The following SPATA6 variants were observed in gnomAD, a reference collection of about 807,000 sequenced individuals.
The protein encoded by SPATA6 is spermatogenesis-associated protein 6.
In SPATA6, 56 loss-of-function variants were observed where a neutral mutation model predicts 65.3. The ratio of observed to expected loss-of-function variants is 0.86; its 90% CI spans 0.69 to 1.07. The LOEUF is 1.07. Ranked by LOEUF, SPATA6 falls within the 50% of genes least tolerant of loss-of-function variation. The probability of loss-of-function intolerance (pLI) is 0.00; values close to 1 mark genes in which losing one functional copy is unlikely to be tolerated. For missense variants in SPATA6, 590 were observed against 594.8 expected (o/e 0.99, Z 0.08); for synonymous variants, 199 against 213.2 (o/e 0.93, Z 0.58).
chr1:48,280,301 A>T, the SPATA6 span, among the ~76,000 whole-genome samples: 9 of 152,194 alleles, frequency 5.9e-5, no homozygotes, highest in Middle Eastern at 3.2e-3. Flanking sequence ...ACACATTCAA[A>T]AGCTAGCAGA....
chr1:48,380,939 G>A (rs555467126), intron 9 of SPATA6, among the ~76,000 whole-genome samples: 10 of 152,258 alleles, frequency 6.6e-5, no homozygotes, highest in East Asian at 5.8e-4. Context: ...ATTTTTCCAC[G>A]AACTGGTGGG....
At chr1:48,412,807 C>T (rs181987314) in intron 4 of SPATA6, among the ~76,000 whole-genome samples, 64 of 152,108 alleles carry the variant, frequency 4.2e-4, no homozygotes, top group Non-Finnish European at 7.5e-4. Flanking sequence ...TTAGTAGAGA[C>T]GGGGTTTCAC....
intron 11 of SPATA6, among the ~76,000 whole-genome samples, chr1:48,347,547 ATAAT>A (rs1646405243): frequency 6.8e-6 from 1 of 147,702 alleles, no homozygotes; most frequent in African/African-American, 2.5e-5. Flanking sequence ...AATTAATTAT[ATAAT>A]TAATTTAAGT....
the SPATA6 span, among the ~76,000 whole-genome samples, chr1:48,275,197 G>A: frequency 4.6e-5 from 7 of 152,162 alleles, no homozygotes; most frequent in Non-Finnish European, 7.3e-5. Context: ...TTTGTATCCC[G>A]ACACTGTGCT....
chr1:48,399,579 T>C lies in SPATA6; in HGVS notation c.552A>G (p.Ser184=). The C allele has an allele frequency of 6.2e-7, 1 of 1,612,720 alleles. No individual in the cohort carries two copies. The highest frequency in any genetic ancestry group is 1.1e-5 in the South Asian group (1 of 90,978). Residue 184 remains serine (S), a synonymous_variant, in exon 7 of 13, where the codon TCA becomes TCG. Coordinates refer to ENST00000371847, the MANE Select transcript of SPATA6 (RefSeq NM_019073.4). ...KSHGRLQNRT[S]RSQKKKSKSP... ...ACTTGGATTTTTTCTTTTGTGATCT[T>C]GATGTTCTGTTTTGCAGTCTGCCAT... is the stretch of plus-strand genomic sequence containing the variant.
intron 5 of SPATA6, 102 bp downstream of exon 5, chr1:48,411,362 A>T: frequency 7.6e-7 from 1 of 1,311,864 alleles, no homozygotes; most frequent in South Asian, 2.0e-5. Context: ...ACTAAATTAC[A>T]CTTTGAATTT....
At chr1:48,430,485 C>T (rs764547584) in intron 3 of SPATA6, among the ~76,000 whole-genome samples, 1 of 151,846 alleles carries the variant, frequency 6.6e-6, no homozygotes, top group Non-Finnish European at 1.5e-5. Flanking sequence ...TTAAGAGAGT[C>T]CTAAAGGGTG....
chr1:48,432,700 T>C (rs1200435186), intron 3 of SPATA6, among the ~76,000 whole-genome samples: 1 of 152,194 alleles, frequency 6.6e-6, no homozygotes, highest in Non-Finnish European at 1.5e-5. Context: ...ATGATACAGC[T>C]ACAATGGAAC....
chr1:48,285,001 C>T, the SPATA6 span, among the ~76,000 whole-genome samples: 6 of 152,324 alleles, frequency 3.9e-5, no homozygotes, highest in South Asian at 2.1e-4. Context: ...CACGCAGGAA[C>T]GTTTAAGTCT....
chr1:48,309,817 C>G (rs756160726), intron 11 of SPATA6, among the ~76,000 whole-genome samples: 4 of 152,284 alleles, frequency 2.6e-5, no homozygotes, highest in Non-Finnish European at 5.9e-5. Context: ...AATGATTGGA[C>G]AGACATTTCT....
chr1:48,326,726 T>G (rs1570135592), intron 11 of SPATA6, among the ~76,000 whole-genome samples: 1 of 152,042 alleles, frequency 6.6e-6, no homozygotes. Flanking sequence ...CACAATTAAC[T>G]AATGTTGACA....
intron 9 of SPATA6, among the ~76,000 whole-genome samples, chr1:48,378,026 C>T (rs1245556292): frequency 2.0e-5 from 3 of 152,192 alleles, no homozygotes; most frequent in Admixed American, 6.5e-5. Flanking sequence ...GAGCCAAAGC[C>T]GTAAGATGGG....
At chr1:48,405,310 C>T (rs993565946) in intron 5 of SPATA6, among the ~76,000 whole-genome samples, 1 of 152,132 alleles carries the variant, frequency 6.6e-6, no homozygotes, top group African/African-American at 2.4e-5. Context: ...TTACCTAGTA[C>T]TACAAAACAA....
chr1:48,295,555 A>T lies in SPATA6; in HGVS notation c.*3158T>A, dbSNP rs552334924. 51 of 152,348 alleles carry T rather than the reference A, an allele frequency of 3.3e-4. No individual in the cohort carries two copies. The highest frequency in any genetic ancestry group is 1.2e-3 in the African/African-American group (49 of 41,584). 9.4% of individuals were successfully genotyped at this position (152,348 alleles called of 1,614,324 possible). A position where few individuals can be genotyped will look rare whatever the true frequency, so the allele number is the denominator to read the frequency against. On this transcript the variant is annotated 3_prime_UTR_variant, in exon 13 of 13. Transcript: ENST00000371847. ...ATAGGCATGGAGACAAAAAGCATAT[A>T]GTGGTTTCCAGGAGTTGTGGGGAGG... is the stretch of plus-strand genomic sequence containing the variant.
At chr1:48,358,209 C>G (rs909485318) in intron 10 of SPATA6, among the ~76,000 whole-genome samples, 4 of 151,854 alleles carry the variant, frequency 2.6e-5, no homozygotes, top group Non-Finnish European at 5.9e-5. Context: ...AGACTGAGGT[C>G]AAAAGCTGGA....
the SPATA6 span, among the ~76,000 whole-genome samples, chr1:48,280,690 A>G: frequency 1.3e-5 from 2 of 152,250 alleles, no homozygotes; most frequent in African/African-American, 4.8e-5. Context: ...GGCAATAATC[A>G]ATAGCTTACC....
chr1:48,462,811 G>A (rs1438268364), intron 1 of SPATA6, among the ~76,000 whole-genome samples: 2 of 152,174 alleles, frequency 1.3e-5, no homozygotes, highest in Non-Finnish European at 2.9e-5. Context: ...AGGGATACGT[G>A]AGTAGCTGGT....
At chr1:48,396,018 C>G (rs1217121556) in intron 7 of SPATA6, among the ~76,000 whole-genome samples, 1 of 151,434 alleles carries the variant, frequency 6.6e-6, no homozygotes, top group Non-Finnish European at 1.5e-5. Flanking sequence ...AACTCAATAA[C>G]AAAAACAAAT....
intron 11 of SPATA6, among the ~76,000 whole-genome samples, chr1:48,317,847 C>T (rs2148691733): frequency 1.3e-5 from 2 of 152,090 alleles, no homozygotes; most frequent in Admixed American, 1.3e-4. Context: ...ATACCAAAAG[C>T]ACAATTTAAA....
Sources: gnomAD v4.1 joint callset for allele counts (sites outside exome capture counted in the v4.1 genomes callset) on GRCh38, gnomAD v4.1.1 for gene constraint, MANE v1.5 for transcripts, NCBI Gene and HGNC (gene_info 2026-07-23, HGNC 2026-07-21) for gene names.